Variants in AFF2 observed in about 807,000 individuals in gnomAD.
AFF2 encodes the protein ALF transcription elongation factor 2, also known as AF4/FMR2 family member 2.
AFF2 carries 14 observed loss-of-function variants against 76.9 expected under a neutral mutation model. That is an observed-to-expected ratio of 0.18 (90% CI 0.12 to 0.28). The LOEUF (loss-of-function observed/expected upper bound fraction) is 0.28. Among genes scored for constraint, AFF2 ranks in the 10% least tolerant of loss-of-function variants. The pLI is 1.00. For synonymous variants in AFF2, 398 were observed against 366.7 expected, an observed-to-expected ratio of 1.09 and a Z score of -0.98; for missense variants, 868 against 1,001.1, an observed-to-expected ratio of 0.87 and a Z score of 1.79.
intron 3 of AFF2, among the ~76,000 whole-genome samples, chrX:148,742,861 C>T (rs2055375387): frequency 8.9e-6 from 1 of 111,986 alleles, no homozygotes; most frequent in African/African-American, 3.2e-5. Context: ...TCTGTATGTG[C>T]TTTCCAAATT....
intron 9 of AFF2, among the ~76,000 whole-genome samples, chrX:148,932,154 A>G (rs185320565): frequency 1.8e-5 from 2 of 112,055 alleles, no homozygotes; most frequent in East Asian, 5.6e-4. Flanking sequence ...TTTGATGGGA[A>G]ATTTTATAAA....
chrX:148,606,727 C>T (rs782640544), intron 1 of AFF2, among the ~76,000 whole-genome samples: 15 of 111,682 alleles, frequency 1.3e-4, no homozygotes, highest in African/African-American at 4.6e-4. Context: ...GAATCTTTGA[C>T]GATTCAGTAG....
chrX:148,924,976 C>T (rs1465096007), intron 9 of AFF2, among the ~76,000 whole-genome samples: 1 of 112,452 alleles, frequency 8.9e-6, no homozygotes, highest in Admixed American at 9.4e-5. Context: ...TAAATCTAAC[C>T]ATTCCATCAA....
rs1557292462 is a variant in AFF2, at chrX:148,992,637, G to A, written c.*1305G>A. The A allele has an allele frequency of 8.9e-6, 1 of 111,768 alleles. No homozygotes were observed. Among genetic ancestry groups the A allele is most frequent in the Non-Finnish European group, 1.9e-5 (1 of 53,090 alleles). 9.2% of individuals were successfully genotyped at this position (111,768 alleles called of 1,213,427 possible). Reference sequence around the variant, plus strand: ...TTTATTTTTTTAAAATGAGTCGTGGGGTAGTGCTTCACCTTGAGATGCTTT... The same window carrying A: ...TTTATTTTTTTAAAATGAGTCGTGGAGTAGTGCTTCACCTTGAGATGCTTT... On this transcript the variant is annotated 3_prime_UTR_variant, in exon 21 of 21. Coordinates refer to ENST00000370460, the MANE Select transcript of AFF2 (RefSeq NM_002025.4).
Position 148,884,512 on chromosome X carries a change from C to G in AFF2, c.1263-1377C>G, listed in dbSNP as rs185982761. On this transcript the variant is annotated intron_variant, in intron 7 of 20. Coordinates refer to ENST00000370460, the MANE Select transcript of AFF2 (RefSeq NM_002025.4). The stretch of plus-strand genomic sequence containing the variant: ...CTGGCTTCTCTTCTGGAAAAACACC[C>G]AAGTGGGATTACAGAGATGGAAATT... Among the ~76,000 whole-genome samples the G allele has an allele frequency of 4.0e-3, 452 of 112,874 alleles. 4 individuals are homozygous for G. Among genetic ancestry groups the G allele is most frequent in the African/African-American group, 0.014 (431 of 31,117 alleles).
rs187665979 is a variant in AFF2 at position 148,769,609 on chromosome X, C to G, written c.1042-40267C>G. Among the ~76,000 whole-genome samples, 140 of 111,285 alleles carry G rather than the reference C, an allele frequency of 1.3e-3. 1 individual carries two copies. The highest frequency in any genetic ancestry group is 4.5e-3 in the African/African-American group (137 of 30,632). ...CTCAGTCTTGCCCCTCCATCCTCAA[C>G]TTGGCTCCTGTTTCGCTCTGGGGTC... On this transcript the variant is annotated intron_variant, in intron 3 of 20. Coordinates refer to ENST00000370460, the MANE Select transcript of AFF2 (RefSeq NM_002025.4).
chrX:148,743,524 A>C (rs1323028475), intron 3 of AFF2, among the ~76,000 whole-genome samples: 4 of 111,494 alleles, frequency 3.6e-5, no homozygotes, highest in Admixed American at 2.9e-4. Flanking sequence ...ATGATATTTA[A>C]ATTTTGTTTG....
intron 3 of AFF2, among the ~76,000 whole-genome samples, chrX:148,788,297 A>T (rs1212371087): frequency 8.9e-6 from 1 of 112,279 alleles, no homozygotes; most frequent in Non-Finnish European, 1.9e-5. Context: ...GTGAGTAAAA[A>T]TGCATACTAA....
Position 148,500,746 on chromosome X carries a change from C to A in AFF2, c.-352C>A. ...CCCCGGCCGCCCCCGCCGCCGCTGC[C>A]GCCGCCGGCCCGCAGCCAGCCAGGC... On this transcript the variant is annotated 5_prime_UTR_variant, in exon 1 of 21. Transcript: ENST00000370460. 9.7e-6 allele frequency: 1 copy of A among 103,044 alleles called. No individual in the cohort carries two copies. The highest frequency in any genetic ancestry group is 3.5e-4 in the South Asian group (1 of 2,824). 8.5% of individuals were successfully genotyped at this position (103,044 alleles called of 1,213,427 possible).
At chrX:148,552,656 T>C (rs188730552) in intron 1 of AFF2, among the ~76,000 whole-genome samples, 42 of 112,474 alleles carry the variant, frequency 3.7e-4, no homozygotes, top group African/African-American at 1.3e-3. Context: ...TCTGCTCACT[T>C]TGCTGTTTTG....
chrX:148,548,558 CT>C (rs782740645), intron 1 of AFF2, among the ~76,000 whole-genome samples: 61 of 111,874 alleles, frequency 5.5e-4, no homozygotes, highest in Non-Finnish European at 8.8e-4. Context: ...CCTCAGCCTC[CT>C]GAGTAGCTGG....
At chrX:148,663,857 G>A (rs782227442) in intron 3 of AFF2, among the ~76,000 whole-genome samples, 9 of 112,057 alleles carry the variant, frequency 8.0e-5, no homozygotes, top group African/African-American at 1.3e-4. Flanking sequence ...CAGCAGATGC[G>A]GTGATTTCAG....
intron 9 of AFF2, among the ~76,000 whole-genome samples, chrX:148,922,313 C>A (rs1435189009): frequency 4.5e-5 from 5 of 111,777 alleles, no homozygotes; most frequent in African/African-American, 9.8e-5. Context: ...GGGGAAGGAG[C>A]ATAAATTATT....
At chrX:148,860,124 A>G (rs2070830984) in intron 7 of AFF2, among the ~76,000 whole-genome samples, 1 of 112,004 alleles carries the variant, frequency 8.9e-6, no homozygotes, top group Non-Finnish European at 1.9e-5. Context: ...ACACAAGTTG[A>G]GATGGAGATG....
chrX:148,747,393 TGAAG>T (rs1213725977), intron 3 of AFF2, among the ~76,000 whole-genome samples: 1 of 111,525 alleles, frequency 9.0e-6, no homozygotes, highest in Non-Finnish European at 1.9e-5. Flanking sequence ...TAAAACTCTA[TGAAG>T]GATACAGGTA....
At chrX:148,868,650 A>G (rs782707957) in intron 7 of AFF2, among the ~76,000 whole-genome samples, 1 of 112,565 alleles carries the variant, frequency 8.9e-6, no homozygotes, top group South Asian at 3.7e-4. Context: ...ATAACAAAAT[A>G]CCTAAGACTG....
intron 3 of AFF2, among the ~76,000 whole-genome samples, chrX:148,731,406 T>G (rs1350230366): frequency 1.8e-5 from 2 of 112,057 alleles, no homozygotes; most frequent in Non-Finnish European, 3.8e-5. Context: ...CCCAAGCATC[T>G]GGGAAATTGC....
At chrX:148,613,258 C>A (rs2053751711) in intron 1 of AFF2, among the ~76,000 whole-genome samples, 1 of 111,872 alleles carries the variant, frequency 8.9e-6, no homozygotes, top group Non-Finnish European at 1.9e-5. Flanking sequence ...TTGATGGCAT[C>A]CACAGGGAGG....
intron 1 of AFF2, among the ~76,000 whole-genome samples, chrX:148,514,818 G>T (rs2052518414): frequency 8.9e-6 from 1 of 112,144 alleles, no homozygotes; most frequent in Non-Finnish European, 1.9e-5. Context: ...TTTGGAAAAA[G>T]ACAGCTTATG....
Sources: allele counts gnomAD v4.1 joint callset (sites outside exome capture counted in the v4.1 genomes callset), GRCh38; gene constraint gnomAD v4.1.1; transcripts MANE v1.5; gene names NCBI Gene and HGNC (gene_info 2026-07-23, HGNC 2026-07-21).